Variants in MEMO1 observed in about 807,000 individuals in gnomAD.
The protein encoded by MEMO1 is protein MEMO1.
Under a neutral mutation model 45.2 loss-of-function variants are expected in MEMO1, and 6 were observed. The observed-to-expected ratio is 0.13, with a 90% CI of 0.07 to 0.26. MEMO1 has a LOEUF of 0.26. MEMO1 is among the 10% of genes least tolerant of loss of function. The probability of loss-of-function intolerance (pLI) is 1.00; values close to 1 mark genes in which losing one functional copy is unlikely to be tolerated. For synonymous variants in MEMO1, 78 were observed against 124.3 expected, an observed-to-expected ratio of 0.63 and a Z score of 2.48; for missense variants, 184 against 370.5, an observed-to-expected ratio of 0.50 and a Z score of 4.13.
At chr2:31,980,772 A>T (rs753420715) in intron 2 of MEMO1, among the ~76,000 whole-genome samples, 1 of 152,128 alleles carries the variant, frequency 6.6e-6, no homozygotes, top group Non-Finnish European at 1.5e-5. Context: ...CTCTAAACCC[A>T]TATCTATAGT....
intron 2 of MEMO1, among the ~76,000 whole-genome samples, chr2:31,953,545 T>C (rs1183819387): frequency 2.0e-5 from 3 of 151,330 alleles, no homozygotes; most frequent in Admixed American, 1.3e-4. Flanking sequence ...AACCTCCGCC[T>C]CCCGGGTTCA....
chr2:31,897,844 T>C (rs1201428911), intron 6 of MEMO1, among the ~76,000 whole-genome samples: 1 of 152,018 alleles, frequency 6.6e-6, no homozygotes, highest in East Asian at 1.9e-4. Context: ...ATGCATCTGG[T>C]CCTGGGCTTT....
At chr2:31,875,893 G>T (rs1674486729) in intron 8 of MEMO1, among the ~76,000 whole-genome samples, 1 of 151,850 alleles carries the variant, frequency 6.6e-6, no homozygotes. Flanking sequence ...CGTCATGTTG[G>T]CTAGGCTGGT....
chr2:31,870,397 A>G (rs1056043631), intron 8 of MEMO1, among the ~76,000 whole-genome samples: 4 of 152,200 alleles, frequency 2.6e-5, no homozygotes, highest in African/African-American at 4.8e-5. Context: ...GGCATGAAAA[A>G]TCAAGAGATA....
chr2:31,953,994 C>T (rs1449653364), intron 2 of MEMO1, among the ~76,000 whole-genome samples: 1 of 152,150 alleles, frequency 6.6e-6, no homozygotes, highest in African/African-American at 2.4e-5. Context: ...AAATCAAAGC[C>T]ATCTTAAATT....
intron 2 of MEMO1, among the ~76,000 whole-genome samples, chr2:31,954,446 G>C (rs992608073): frequency 1.3e-5 from 2 of 151,974 alleles, no homozygotes; most frequent in Admixed American, 6.6e-5. Flanking sequence ...CTCTATTCTT[G>C]TAAAAATTAA....
chr2:32,004,506 A>G (rs985515361), intron 2 of MEMO1, among the ~76,000 whole-genome samples: 14 of 152,208 alleles, frequency 9.2e-5, no homozygotes, highest in African/African-American at 3.1e-4. Flanking sequence ...ATAACTAAAA[A>G]TAAAAAGACT....
At chr2:31,877,913 T>C (rs1558471199) in intron 8 of MEMO1, among the ~76,000 whole-genome samples, 2 of 152,202 alleles carry the variant, frequency 1.3e-5, no homozygotes, top group Non-Finnish European at 2.9e-5. Context: ...TTGAAAAATA[T>C]GTATTGACCA....
intron 2 of MEMO1, among the ~76,000 whole-genome samples, chr2:31,983,128 A>C (rs77209621): frequency 0.13 from 19,157 of 151,456 alleles, 1,338 homozygotes; most frequent in Middle Eastern, 0.21. Context: ...GGGTGTGGTG[A>C]TGGGCGCCTG....
At chr2:31,981,152 AAAG>A (rs1459252878) in intron 2 of MEMO1, among the ~76,000 whole-genome samples, 2 of 152,240 alleles carry the variant, frequency 1.3e-5, no homozygotes, top group Admixed American at 6.5e-5. Flanking sequence ...CCCCATTACT[AAAG>A]AAGACTGACT....
At position 31,992,788 on chromosome 2, in the gene MEMO1, T is replaced by TA. The variant is rs1572917395; in HGVS notation, c.61+17398_61+17399insT. On this transcript the variant is annotated intron_variant, in intron 2 of 9. Coordinates refer to ENST00000404530, the MANE Select transcript of MEMO1 (RefSeq NM_001301833.4). ...GACAGAGTGAGACTCCGTCTCAAAT[T>TA]TAAAAAAAAAATGAATTAATAAAAT... Among the ~76,000 whole-genome samples the TA allele has an allele frequency of 2.0e-5, 3 of 150,714 alleles. No homozygotes were observed. In the East Asian group the frequency reaches 5.9e-4, roughly 30 times the overall value.
intron 8 of MEMO1, among the ~76,000 whole-genome samples, chr2:31,879,801 T>C (rs1047548523): frequency 3.9e-5 from 6 of 152,176 alleles, no homozygotes; most frequent in African/African-American, 1.4e-4. Context: ...TAAATACATG[T>C]GACTGGTGGC....
intron 6 of MEMO1, among the ~76,000 whole-genome samples, chr2:31,899,813 C>T (rs1028036399): frequency 3.0e-4 from 45 of 152,038 alleles, no homozygotes; most frequent in East Asian, 5.8e-4. Flanking sequence ...CTAGAATCTA[C>T]GAAGAACTTA....
At chr2:31,885,891 C>G (rs963313945) in intron 7 of MEMO1, among the ~76,000 whole-genome samples, 18 of 152,196 alleles carry the variant, frequency 1.2e-4, no homozygotes, top group African/African-American at 3.6e-4. Context: ...TTCCAAATGG[C>G]TGAAGTTGGT....
chr2:31,880,770 G>A (rs1289232191), intron 8 of MEMO1, among the ~76,000 whole-genome samples: 1 of 152,126 alleles, frequency 6.6e-6, no homozygotes, highest in African/African-American at 2.4e-5. Flanking sequence ...TACTATTTAT[G>A]AGTAAATCCT....
At chr2:31,947,594 G>A (rs991485416) in intron 2 of MEMO1, among the ~76,000 whole-genome samples, 5 of 152,188 alleles carry the variant, frequency 3.3e-5, no homozygotes, top group Admixed American at 3.3e-4. Context: ...TAATGTTTGT[G>A]TGATCTTGCC....
At chr2:31,933,346 A>ATATATAT (rs869211483) in intron 3 of MEMO1, among the ~76,000 whole-genome samples, 4 of 25,512 alleles carry the variant, frequency 1.6e-4, no homozygotes, top group African/African-American at 4.8e-4. Flanking sequence ...AAAAAAAAAA[A>ATATATAT]AAATTTATAT....
intron 8 of MEMO1, among the ~76,000 whole-genome samples, chr2:31,875,852 A>C (rs1419053462): frequency 6.6e-6 from 1 of 151,676 alleles, no homozygotes; most frequent in Non-Finnish European, 1.5e-5. Context: ...ATGCCCGACT[A>C]ATTTTTGTAT....
chr2:31,883,206 A>T (rs1675673789), intron 8 of MEMO1, among the ~76,000 whole-genome samples, 180 bp downstream of exon 8: 1 of 152,150 alleles, frequency 6.6e-6, no homozygotes, highest in African/African-American at 2.4e-5. Flanking sequence ...ATGATGACGG[A>T]AATTCCTACT....
Sources: allele counts gnomAD v4.1 joint callset (sites outside exome capture counted in the v4.1 genomes callset), GRCh38; gene constraint gnomAD v4.1.1; transcripts MANE v1.5; gene names NCBI Gene and HGNC (gene_info 2026-07-23, HGNC 2026-07-21).